The following ZMYM2 variants were observed in gnomAD, a reference collection of about 807,000 sequenced individuals.
ZMYM2 encodes zinc finger MYM-type containing 2, also known as zinc finger MYM-type protein 2.
Under a neutral mutation model 162.8 loss-of-function variants are expected in ZMYM2, and 56 were observed. The observed-to-expected ratio is 0.34, with a 90% CI of 0.28 to 0.43. ZMYM2 has a LOEUF of 0.43. ZMYM2 is among the 20% of genes least tolerant of loss of function. The pLI is 1.00. For synonymous variants in ZMYM2, 510 were observed against 541.6 expected (o/e 0.94, Z 0.81); for missense variants, 1,275 against 1,621.8 (o/e 0.79, Z 3.67).
intron 12 of ZMYM2, among the ~76,000 whole-genome samples, chr13:20,042,407 G>A (rs906830520): frequency 5.9e-5 from 9 of 152,036 alleles, no homozygotes; most frequent in African/African-American, 2.2e-4. Context: ...AGCTCTATCA[G>A]GTCAGTTACA....
intron 2 of ZMYM2, among the ~76,000 whole-genome samples, chr13:19,970,963 CT>C (rs148745686): frequency 0.11 from 16,235 of 151,834 alleles, 1,363 homozygotes; most frequent in African/African-American, 0.22. Context: ...GAAAAGGAGT[CT>C]TTTCAGGCAG....
At chr13:20,072,536 AAAT>A (rs1335763779) in intron 21 of ZMYM2, among the ~76,000 whole-genome samples, 1 of 152,102 alleles carries the variant, frequency 6.6e-6, no homozygotes, top group Non-Finnish European at 1.5e-5. Context: ...ATAAATAAAT[AAAT>A]AATAATTTTT....
intron 21 of ZMYM2, among the ~76,000 whole-genome samples, chr13:20,073,056 T>C (rs545040912): frequency 4.5e-4 from 69 of 152,120 alleles, no homozygotes; most frequent in African/African-American, 1.5e-3. Flanking sequence ...TACAGGTGCC[T>C]GCCACCACAT....
chr13:19,874,192 G>A, the ZMYM2 span, among the ~76,000 whole-genome samples: 7 of 152,030 alleles, frequency 4.6e-5, no homozygotes, highest in South Asian at 2.1e-4. Flanking sequence ...CCTATGAGGC[G>A]GAACCTGGGA....
the ZMYM2 span, among the ~76,000 whole-genome samples, chr13:19,922,424 G>A: frequency 1.3e-5 from 2 of 152,308 alleles, no homozygotes; most frequent in East Asian, 3.9e-4. Context: ...TTCAAAAGAC[G>A]TCATACATGC....
the ZMYM2 span, among the ~76,000 whole-genome samples, chr13:19,900,112 C>G: frequency 6.6e-6 from 1 of 152,020 alleles, no homozygotes; most frequent in African/African-American, 2.4e-5. Flanking sequence ...TCGAGACCAG[C>G]CAACATGGCG....
chr13:19,996,509 C>T (rs1230562125), intron 3 of ZMYM2, among the ~76,000 whole-genome samples: 1 of 152,070 alleles, frequency 6.6e-6, no homozygotes, highest in African/African-American at 2.4e-5. Flanking sequence ...GACGGATCAT[C>T]TGAGGTCAGG....
chr13:20,031,543 C>T (rs1277865774), intron 10 of ZMYM2, 108 bp downstream of exon 10: 9 of 718,990 alleles, frequency 1.3e-5, no homozygotes, highest in Non-Finnish European at 1.9e-5. Flanking sequence ...TAAAAATATG[C>T]TTTTCAGATT....
intron 2 of ZMYM2, among the ~76,000 whole-genome samples, chr13:19,982,198 C>CTTGTGGAT (rs1441173114): frequency 6.7e-6 from 1 of 149,974 alleles, no homozygotes; most frequent in Non-Finnish European, 1.5e-5. Context: ...AAAGATTAAA[C>CTTGTGGAT]TTGTGGATTT....
At chr13:20,068,232 T>C (rs1227060675) in intron 21 of ZMYM2, 1 of 180,362 alleles carries the variant, frequency 5.5e-6, no homozygotes, top group Non-Finnish European at 1.2e-5. Flanking sequence ...TCTCGTTTTA[T>C]AGGTTTACAT....
chr13:19,993,330 A>T lies in ZMYM2; in HGVS notation c.258A>T (p.Ser86=), dbSNP rs558072636. Reference sequence around the variant, plus strand: ...ATCAAAGAACCATAACATTTACATCATCAAAAAATGAAGAACTACAAGGAA... The same window carrying T: ...ATCAAAGAACCATAACATTTACATCTTCAAAAAATGAAGAACTACAAGGAA... The part of the protein sequence containing the change: ...VADQRTITFT[S]SKNEELQGND... Residue 86 remains serine (S), a synonymous_variant, in exon 3 of 25, where the codon TCA becomes TCT. Transcript: ENST00000610343. 3 of 1,613,934 alleles carry T rather than the reference A, an allele frequency of 1.9e-6. No individual in the cohort carries two copies. The East Asian group carries it at 6.7e-5, about 36-fold the overall frequency.
chr13:19,875,139 ATCAGCCTAGGTGCCCTCTACCAGCAGAT>A, the ZMYM2 span, among the ~76,000 whole-genome samples: 1 of 152,204 alleles, frequency 6.6e-6, no homozygotes, highest in Admixed American at 6.5e-5. Flanking sequence ...CAGCAAAGTT[ATCAGCCTAGGTGCCCTCTACCAGCAGAT>A]TGGATAGAGA....
chr13:19,975,460 T>C (rs537576701), intron 2 of ZMYM2, among the ~76,000 whole-genome samples: 18 of 152,240 alleles, frequency 1.2e-4, no homozygotes, highest in Non-Finnish European at 2.2e-4. Flanking sequence ...CTTAGCATAA[T>C]GTTTTCAAAG....
intron 14 of ZMYM2, among the ~76,000 whole-genome samples, chr13:20,055,766 C>G (rs1209922097): frequency 6.6e-6 from 1 of 151,866 alleles, no homozygotes; most frequent in African/African-American, 2.4e-5. Flanking sequence ...ACAATAATGA[C>G]TAAACTTACG....
At chr13:20,042,184 C>T (rs879868847) in intron 12 of ZMYM2, among the ~76,000 whole-genome samples, 2 of 152,166 alleles carry the variant, frequency 1.3e-5, no homozygotes, top group Non-Finnish European at 2.9e-5. Context: ...CCATCTCTTT[C>T]AGGGACACCA....
the ZMYM2 span, among the ~76,000 whole-genome samples, chr13:19,948,772 C>A: frequency 6.6e-6 from 1 of 152,142 alleles, no homozygotes; most frequent in Non-Finnish European, 1.5e-5. Flanking sequence ...GAAGGCTATG[C>A]AGGTGTGGAA....
At chr13:20,034,086 T>G (rs1953449078) in intron 10 of ZMYM2, among the ~76,000 whole-genome samples, 168 bp from the exon 11 acceptor site, 1 of 152,190 alleles carries the variant, frequency 6.6e-6, no homozygotes, top group Admixed American at 6.5e-5. Context: ...TATGTTTAAA[T>G]TTGGCAGTGA....
the ZMYM2 span, among the ~76,000 whole-genome samples, chr13:19,941,809 G>A: frequency 4.5e-4 from 65 of 145,152 alleles, no homozygotes; most frequent in African/African-American, 1.5e-3. Flanking sequence ...CCATGTGGTG[G>A]CACCATAAGT....
At chr13:19,884,780 C>G in the ZMYM2 span, among the ~76,000 whole-genome samples, 1 of 152,088 alleles carries the variant, frequency 6.6e-6, no homozygotes, top group South Asian at 2.1e-4. Context: ...CCGACGCCCC[C>G]AAGACAGAAA....
Sources: gnomAD v4.1 joint callset for allele counts (sites outside exome capture counted in the v4.1 genomes callset) on GRCh38, gnomAD v4.1.1 for gene constraint, MANE v1.5 for transcripts, NCBI Gene and HGNC (gene_info 2026-07-23, HGNC 2026-07-21) for gene names.